DNAH11: variants seen among roughly 807,000 people sequenced by gnomAD.
The protein encoded by DNAH11 is dynein axonemal heavy chain 11.
In DNAH11, 442 loss-of-function variants were observed where a neutral mutation model predicts 526.0. The ratio of observed to expected loss-of-function variants is 0.84; its 90% CI spans 0.78 to 0.91. The LOEUF (loss-of-function observed/expected upper bound fraction) is 0.91, where lower values mean the gene tolerates loss of function less well. Ranked by LOEUF, DNAH11 falls within the 40% of genes least tolerant of loss-of-function variation. The pLI, the probability that DNAH11 is intolerant of heterozygous loss-of-function variation, is 0.00. For synonymous variants in DNAH11, 2,461 were observed against 1,935.9 expected (o/e 1.27, Z -7.12); for missense variants, 6,989 against 5,448.7 (o/e 1.28, Z -8.90).
rs561741787 is a variant in DNAH11, at chr7:21,851,694, T to C, written c.10897-773T>C. 2.0e-3 allele frequency: 935 copies of C among 470,638 alleles called. 6 individuals carry two copies. Among genetic ancestry groups the C allele is most frequent in the Middle Eastern group, 9.1e-3 (28 of 3,074 alleles). 29.2% of individuals were successfully genotyped at this position (470,638 alleles called of 1,614,324 possible). A position where few individuals can be genotyped will look rare whatever the true frequency, so the allele number is the denominator to read the frequency against. On this transcript the variant is annotated intron_variant, in intron 66 of 81. Coordinates refer to ENST00000409508, the MANE Select transcript of DNAH11 (RefSeq NM_001277115.2). Reference sequence around the variant, plus strand: ...CGAAGACTGGGCCCCTCTGAAGTTTTAATTCAAGCTCTACTTGCATGTCAG... The same window carrying C: ...CGAAGACTGGGCCCCTCTGAAGTTTCAATTCAAGCTCTACTTGCATGTCAG...
chr7:21,648,143 A>G (rs576665089), intron 28 of DNAH11, among the ~76,000 whole-genome samples: 2 of 152,336 alleles, frequency 1.3e-5, no homozygotes, highest in East Asian at 3.9e-4. Context: ...ACCTTTCTGA[A>G]CCTCAATATC....
intron 9 of DNAH11, among the ~76,000 whole-genome samples, chr7:21,585,503 G>A (rs2128441902): frequency 6.6e-6 from 1 of 152,224 alleles, no homozygotes; most frequent in African/African-American, 2.4e-5. Flanking sequence ...GGCCAGGAAG[G>A]GCACCGGAAC....
At chr7:21,707,980 A>G in intron 40 of DNAH11, 145 bp downstream of exon 40, 1 of 786,736 alleles carries the variant, frequency 1.3e-6, no homozygotes, top group Non-Finnish European at 1.8e-6. Flanking sequence ...AACAGCATTT[A>G]TAATGTATAA....
chr7:21,725,806 C>A lies in DNAH11; in HGVS notation c.7267-5C>A. ...TGCAATAAGGATTTCTTTTGTTCTC[C>A]TTAGATTTCTGATTATCAAGCTGAC... is the stretch of plus-strand genomic sequence containing the variant. On this transcript the variant is annotated splice_polypyrimidine_tract_variant and splice_region_variant and intron_variant, in intron 44 of 81. Coordinates refer to ENST00000409508, the MANE Select transcript of DNAH11 (RefSeq NM_001277115.2). 6.2e-7 allele frequency: 1 copy of A among 1,607,384 alleles called. No homozygotes were observed. Among genetic ancestry groups the A allele is most frequent in the South Asian group, 1.1e-5 (1 of 89,392 alleles).
At chr7:21,677,327 C>G (rs1325119836) in intron 30 of DNAH11, among the ~76,000 whole-genome samples, 1 of 149,806 alleles carries the variant, frequency 6.7e-6, no homozygotes, top group East Asian at 2.0e-4. Flanking sequence ...TTTCATAATT[C>G]TTGGAATATT....
intron 79 of DNAH11, among the ~76,000 whole-genome samples, chr7:21,895,296 A>G (rs1272233969): frequency 6.6e-6 from 1 of 152,132 alleles, no homozygotes; most frequent in African/African-American, 2.4e-5. Flanking sequence ...GTAGATGGCA[A>G]TAGAATCCCC....
In DNAH11 at chr7:21,801,120, A is replaced by G. The variant is rs781606869; in HGVS notation, c.10027-17A>G. 1.9e-6 allele frequency: 3 copies of G among 1,593,824 alleles called. No individual in the cohort carries two copies. In the South Asian group the frequency reaches 3.4e-5, roughly 18 times the overall value. On this transcript the variant is annotated splice_polypyrimidine_tract_variant and intron_variant, in intron 61 of 81. Coordinates refer to ENST00000409508, the MANE Select transcript of DNAH11 (RefSeq NM_001277115.2). ...TTAACTAAAAATGACTCAAAAGTTAATTCAACTCTGATTCAGGATCTGGAT... is the reference window on the plus strand; with the variant it reads ...TTAACTAAAAATGACTCAAAAGTTAGTTCAACTCTGATTCAGGATCTGGAT...
At chr7:21,609,029 C>A (rs973061244) in intron 20 of DNAH11, among the ~76,000 whole-genome samples, 1 of 152,086 alleles carries the variant, frequency 6.6e-6, no homozygotes, top group African/African-American at 2.4e-5. Context: ...CATCTCAGTC[C>A]ACAAGACAGA....
chr7:21,630,350 A>G (rs1011279885), intron 25 of DNAH11, among the ~76,000 whole-genome samples: 1 of 152,212 alleles, frequency 6.6e-6, no homozygotes, highest in Non-Finnish European at 1.5e-5. Flanking sequence ...AGTAGATTGC[A>G]CACCATAGTT....
intron 68 of DNAH11, among the ~76,000 whole-genome samples, chr7:21,859,978 C>T (rs1484835633): frequency 6.6e-6 from 1 of 151,968 alleles, no homozygotes; most frequent in Non-Finnish European, 1.5e-5. Flanking sequence ...GATCAACAAG[C>T]CTGGGCAACA....
rs1269889816 is a variant in DNAH11 at position 21,600,869 on chromosome 7, A to G, written c.3194A>G (p.Asp1065Gly). The G allele has an allele frequency of 1.1e-5, 17 of 1,613,820 alleles. No individual in the cohort carries two copies. The highest frequency in any genetic ancestry group is 1.6e-4 in the Middle Eastern group (1 of 6,084). The change falls in exon 16 of 82, where the codon GAT becomes GGT. Residue 1065 changes from aspartate to glycine, a missense_variant. By Grantham distance (94) the Asp-to-Gly change is moderately conservative (BLOSUM62 -1). Transcript: ENST00000409508. The stretch of plus-strand genomic sequence containing the variant: ...CATGCTGTGTCTTCCGATGAAATGG[A>G]TGCTCATGCAAATGAAGAAATTCCC... ...YGHAVSSDEM[D>G]AHANEEIPEQ...
intron 25 of DNAH11, among the ~76,000 whole-genome samples, chr7:21,630,482 T>G (rs1039150490): frequency 1.3e-5 from 2 of 152,216 alleles, no homozygotes; most frequent in Non-Finnish European, 2.9e-5. Context: ...TCCTTTAGCA[T>G]TTTTTGTAAA....
At chr7:21,838,492 A>G (rs1259241567) in intron 65 of DNAH11, among the ~76,000 whole-genome samples, 1 of 152,174 alleles carries the variant, frequency 6.6e-6, no homozygotes, top group Non-Finnish European at 1.5e-5. Context: ...TTTAAAATGG[A>G]AATTGCTGTA....
intron 56 of DNAH11, 34 bp downstream of exon 56, chr7:21,774,033 T>A (rs1452325651): frequency 6.8e-7 from 1 of 1,463,838 alleles, no homozygotes; most frequent in South Asian, 1.4e-5. Context: ...TGAGTAATAT[T>A]TATGCTGTTT....
chr7:21,601,175 G>T lies in DNAH11; in HGVS notation c.3421G>T (p.Asp1141Tyr). The T allele has an allele frequency of 6.3e-7, 1 of 1,593,526 alleles. No individual in the cohort carries two copies. Among genetic ancestry groups the T allele is most frequent in the East Asian group, 2.2e-5 (1 of 44,754 alleles). Residue 1141 changes from aspartate to tyrosine, a missense_variant, in exon 17 of 82, where the codon GAC becomes TAC. Asp to Tyr is a radical substitution (Grantham distance 160). Transcript: ENST00000409508. Reference protein sequence around the residue: ...FQEHLLRFVIDSLNELQEFIK... With the variant: ...FQEHLLRFVIYSLNELQEFIK... ...GGAGCATCTTTTGAGATTTGTCATT[G>T]ACAGGTAGCCTTTTACTTTGGTTTT...
Position 21,787,390 on chromosome 7 carries a change from T to C in DNAH11, c.9742-11T>C. The C allele has an allele frequency of 6.3e-7, 1 of 1,596,560 alleles. No individual in the cohort carries two copies. The highest frequency in any genetic ancestry group is 8.5e-7 in the Non-Finnish European group (1 of 1,171,622). On this transcript the variant is annotated splice_polypyrimidine_tract_variant and intron_variant, in intron 59 of 81. Coordinates refer to ENST00000409508, the MANE Select transcript of DNAH11 (RefSeq NM_001277115.2). ...AATGGGTTCATTGCAATAAATCTTT[T>C]TGCTTTGCAGGTTGATGATTTTTTG...
chr7:21,649,412 A>G (rs1313421817), intron 28 of DNAH11, among the ~76,000 whole-genome samples: 1 of 152,212 alleles, frequency 6.6e-6, no homozygotes, highest in Non-Finnish European at 1.5e-5. Context: ...TGGGATGGCT[A>G]AATATATTTA....
At chr7:21,767,575 G>A (rs1787235129) in intron 55 of DNAH11, among the ~76,000 whole-genome samples, 1 of 152,128 alleles carries the variant, frequency 6.6e-6, no homozygotes, top group South Asian at 2.1e-4. Flanking sequence ...TGCCAAATAG[G>A]AATTTTAAAA....
rs373175720 is a variant in DNAH11 at position 21,876,904 on chromosome 7, CT to C, written c.12195+3405del. On this transcript the variant is annotated intron_variant, in intron 74 of 81. Coordinates refer to ENST00000409508, the MANE Select transcript of DNAH11 (RefSeq NM_001277115.2). The stretch of plus-strand genomic sequence containing the variant: ...GAGAGGCTGGGAAAAGTGAATTTAT[CT>C]TAAGCAACCATATGCCCAGCTAAAA... Among the ~76,000 whole-genome samples, 770 of 152,352 alleles carry C rather than the reference CT, an allele frequency of 5.1e-3. 5 individuals are homozygous for C. The highest frequency in any genetic ancestry group is 0.018 in the African/African-American group (736 of 41,576).
Sources: allele counts gnomAD v4.1 joint callset (sites outside exome capture counted in the v4.1 genomes callset), GRCh38; gene constraint gnomAD v4.1.1; transcripts MANE v1.5; gene names NCBI Gene and HGNC (gene_info 2026-07-23, HGNC 2026-07-21).